The following TBC1D32 variants were observed in gnomAD, a reference collection of about 807,000 sequenced individuals.
TBC1D32 encodes protein broad-minded.
In TBC1D32, 151 loss-of-function variants were observed where a neutral mutation model predicts 170.3. That is an observed-to-expected ratio of 0.89 (90% confidence interval 0.78 to 1.01). The LOEUF is 1.01. Among genes scored for constraint, TBC1D32 ranks in the 50% least tolerant of loss-of-function variants. TBC1D32 has a pLI of 0.00. For synonymous variants in TBC1D32, 498 were observed against 488.0 expected (o/e 1.02, Z -0.27); for missense variants, 1,464 against 1,457.1 (o/e 1.00, Z -0.08).
chr6:121,125,430 A>G (rs936266846), intron 26 of TBC1D32, among the ~76,000 whole-genome samples: 8 of 152,140 alleles, frequency 5.3e-5, no homozygotes, highest in African/African-American at 1.9e-4. Flanking sequence ...TATAAGGAAG[A>G]CTGGAGTTGA....
chr6:121,117,464 G>T (rs760582522), intron 26 of TBC1D32, among the ~76,000 whole-genome samples: 5 of 152,168 alleles, frequency 3.3e-5, no homozygotes, highest in African/African-American at 9.7e-5. Flanking sequence ...CACTTTGGGA[G>T]GCTGAGAGGG....
chr6:121,334,611 A>C, upstream of TBC1D32: 1 of 690,460 alleles, frequency 1.4e-6, no homozygotes, highest in South Asian at 1.9e-5. Context: ...AAAACGAGTC[A>C]CCTTACTTTG....
chr6:121,285,038 A>G (rs1363735140), intron 12 of TBC1D32, among the ~76,000 whole-genome samples: 2 of 152,204 alleles, frequency 1.3e-5, no homozygotes, highest in African/African-American at 4.8e-5. Context: ...GCTACAAAAC[A>G]GTATAAAAGA....
At chr6:121,121,185 A>C (rs1453182642) in intron 26 of TBC1D32, among the ~76,000 whole-genome samples, 1 of 152,046 alleles carries the variant, frequency 6.6e-6, no homozygotes, top group Non-Finnish European at 1.5e-5. Context: ...AGAAGAGAGA[A>C]TCCTGCTTAG....
chr6:121,102,360 A>C (rs1307634598), intron 30 of TBC1D32, among the ~76,000 whole-genome samples: 7 of 152,176 alleles, frequency 4.6e-5, no homozygotes. Context: ...TACAGTAACC[A>C]AAACAGCATG....
At chr6:121,136,956 AACTC>A (rs555802529) in intron 24 of TBC1D32, among the ~76,000 whole-genome samples, 33 of 152,188 alleles carry the variant, frequency 2.2e-4, no homozygotes, top group Admixed American at 9.8e-4. Context: ...TCTATATCAG[AACTC>A]ACTAAGATTT....
At chr6:121,289,867 T>C (rs1804545812) in intron 12 of TBC1D32, among the ~76,000 whole-genome samples, 1 of 152,152 alleles carries the variant, frequency 6.6e-6, no homozygotes, top group Non-Finnish European at 1.5e-5. Flanking sequence ...CATCTGATCT[T>C]TGCCAAACCT....
intron 21 of TBC1D32, among the ~76,000 whole-genome samples, chr6:121,216,783 GAAGAT>G (rs1218918760): frequency 1.3e-5 from 2 of 152,142 alleles, no homozygotes; most frequent in Non-Finnish European, 2.9e-5. Flanking sequence ...GGCTTCAGAA[GAAGAT>G]ACTGAGCCTC....
chr6:121,253,937 G>C (rs1218228041), intron 17 of TBC1D32, among the ~76,000 whole-genome samples: 1 of 151,978 alleles, frequency 6.6e-6, no homozygotes, highest in East Asian at 1.9e-4. Context: ...ATAGGCACAA[G>C]CATGTTTATA....
chr6:121,325,295 C>A (rs12201432), intron 1 of TBC1D32, among the ~76,000 whole-genome samples: 1 of 151,578 alleles, frequency 6.6e-6, no homozygotes, highest in Non-Finnish European at 1.5e-5. Context: ...ATCAGAACAT[C>A]TGATATTTCA....
At chr6:121,237,019 GT>G (rs1181823882) in intron 20 of TBC1D32, 6 of 151,988 alleles carry the variant, frequency 3.9e-5, no homozygotes, top group Non-Finnish European at 8.8e-5. Context: ...TATCCATCTG[GT>G]AGCACTGTCT....
chr6:121,192,864 T>A (rs1295186451), intron 22 of TBC1D32, among the ~76,000 whole-genome samples: 1 of 152,156 alleles, frequency 6.6e-6, no homozygotes, highest in Non-Finnish European at 1.5e-5. Flanking sequence ...AGACAAACCT[T>A]GTGCTACCTA....
chr6:121,192,796 G>A (rs534223357), intron 22 of TBC1D32, among the ~76,000 whole-genome samples: 5 of 149,196 alleles, frequency 3.4e-5, no homozygotes, highest in African/African-American at 1.3e-4. Context: ...ATCCCCAGTA[G>A]TGGCAACATC....
intron 15 of TBC1D32, among the ~76,000 whole-genome samples, chr6:121,269,739 ACTCAG>A (rs1801090251): frequency 6.6e-6 from 1 of 152,152 alleles, no homozygotes; most frequent in Non-Finnish European, 1.5e-5. Flanking sequence ...CAGGAATTGA[ACTCAG>A]CTCTGCACCA....
chr6:121,214,428 G>A (rs1246710083), intron 21 of TBC1D32, among the ~76,000 whole-genome samples: 2 of 152,182 alleles, frequency 1.3e-5, no homozygotes, highest in African/African-American at 2.4e-5. Context: ...TGAGGGTTAT[G>A]TGTGTGAGTG....
rs1041066636 is a variant in TBC1D32 at position 121,330,826 on chromosome 6, G to A, written c.155+3450C>T. Among the ~76,000 whole-genome samples the A allele has an allele frequency of 3.9e-5, 6 of 152,108 alleles. No individual in the cohort carries two copies. The East Asian group carries it at 5.8e-4, about 15-fold the overall frequency. On this transcript the variant is annotated intron_variant, in intron 1 of 31. Coordinates refer to ENST00000398212, the MANE Select transcript of TBC1D32 (RefSeq NM_152730.6). The stretch of plus-strand genomic sequence containing the variant: ...GCTGCTTTACAGGGAGCCAGTCTGC[G>A]TGTAAAAATTTACACAACACATACA...
At chr6:121,125,122 G>T (rs1417039582) in intron 26 of TBC1D32, among the ~76,000 whole-genome samples, 29 of 151,408 alleles carry the variant, frequency 1.9e-4, no homozygotes, top group Non-Finnish European at 3.5e-4. Flanking sequence ...GCAGAATTAT[G>T]TATTTATTTT....
intron 30 of TBC1D32, among the ~76,000 whole-genome samples, chr6:121,100,994 G>C (rs958871097): frequency 3.9e-5 from 6 of 152,066 alleles, no homozygotes; most frequent in African/African-American, 1.4e-4. Context: ...TAGAAGAAAT[G>C]GATAAATTCC....
At chr6:121,135,552 G>C (rs536296525) in intron 24 of TBC1D32, among the ~76,000 whole-genome samples, 74 of 152,254 alleles carry the variant, frequency 4.9e-4, no homozygotes, top group Non-Finnish European at 9.6e-4. Flanking sequence ...TAAGGAGACA[G>C]GTGTCAGATT....
Sources: allele counts gnomAD v4.1 joint callset (sites outside exome capture counted in the v4.1 genomes callset), GRCh38; gene constraint gnomAD v4.1.1; transcripts MANE v1.5; gene names NCBI Gene and HGNC (gene_info 2026-07-23, HGNC 2026-07-21).